Variants in ADIPOR2 observed in about 807,000 individuals in gnomAD.
ADIPOR2 encodes the protein adiponectin receptor protein 2.
ADIPOR2 carries 18 observed loss-of-function variants against 40.9 expected under a neutral mutation model. The observed-to-expected ratio is 0.44, with a 90% CI of 0.30 to 0.65. The LOEUF (loss-of-function observed/expected upper bound fraction) is 0.65, where lower values mean the gene tolerates loss of function less well. ADIPOR2 is among the 30% of genes least tolerant of loss of function. ADIPOR2 has a pLI of 0.09. For missense variants in ADIPOR2, 283 were observed against 479.2 expected (o/e 0.59, Z 3.82); for synonymous variants, 165 against 166.4 (o/e 0.99, Z 0.06).
intron 1 of ADIPOR2, chr12:1,697,918 ATC>A (rs1404045831): frequency 6.6e-6 from 1 of 152,398 alleles, no homozygotes; most frequent in African/African-American, 2.4e-5. Flanking sequence ...TAATTTGAGA[ATC>A]TCCATATTGG....
chr12:1,782,964 C>T (rs1414784743), intron 6 of ADIPOR2, among the ~76,000 whole-genome samples: 27 of 112,374 alleles, frequency 2.4e-4, no homozygotes, highest in Admixed American at 6.6e-4. Context: ...TTTTCTTTTT[C>T]TTTCTTTCTT....
chr12:1,783,775 T>G, intron 6 of ADIPOR2, 105 bp from the exon 7 acceptor site: 2 of 981,566 alleles, frequency 2.0e-6, no homozygotes, highest in Non-Finnish European at 2.9e-6. Flanking sequence ...TATATGCTAC[T>G]TTGAAATATT....
chr12:1,738,100 T>C, intron 1 of ADIPOR2, among the ~76,000 whole-genome samples: 1 of 150,506 alleles, frequency 6.6e-6, no homozygotes, highest in East Asian at 1.9e-4. Context: ...TGGCTGGGTG[T>C]GGTAGCTCTT....
At chr12:1,713,909 G>A (rs1439148604) in intron 1 of ADIPOR2, among the ~76,000 whole-genome samples, 7 of 152,036 alleles carry the variant, frequency 4.6e-5, no homozygotes, top group South Asian at 2.1e-4. Context: ...AAGCTGTACC[G>A]GTGTCCAGGA....
Position 1,786,195 on chromosome 12 carries a change from G to T in ADIPOR2, c.*123G>T, listed in dbSNP as rs1862830500. The T allele has an allele frequency of 3.0e-6, 4 of 1,345,578 alleles. No individual in the cohort carries two copies. In the East Asian group the frequency reaches 9.5e-5, roughly 32 times the overall value. 83.4% of individuals were successfully genotyped at this position (1,345,578 alleles called of 1,614,324 possible). ...AAACTTTGACAGCCTCGTGGGCTTTGTGACGGCCCAGTGGCTCTGCGTGGT... is the reference window on the plus strand; with the variant it reads ...AAACTTTGACAGCCTCGTGGGCTTTTTGACGGCCCAGTGGCTCTGCGTGGT... On this transcript the variant is annotated 3_prime_UTR_variant, in exon 8 of 8. Coordinates refer to ENST00000357103, the MANE Select transcript of ADIPOR2 (RefSeq NM_024551.3).
intron 1 of ADIPOR2, among the ~76,000 whole-genome samples, chr12:1,692,216 A>T (rs1039240764): frequency 2.6e-5 from 4 of 152,208 alleles, no homozygotes; most frequent in Non-Finnish European, 5.9e-5. Flanking sequence ...TCCTTCAGAA[A>T]AAAGCATCCA....
intron 2 of ADIPOR2, among the ~76,000 whole-genome samples, chr12:1,767,487 A>AT (rs138301736): frequency 1.3e-3 from 203 of 150,792 alleles, no homozygotes; most frequent in Non-Finnish European, 1.7e-3. Context: ...TTCAGCTATC[A>AT]TTTTTTTTTG....
At chr12:1,728,353 G>A (rs184128508) in intron 1 of ADIPOR2, among the ~76,000 whole-genome samples, 5 of 151,350 alleles carry the variant, frequency 3.3e-5, no homozygotes, top group Non-Finnish European at 5.9e-5. Context: ...CCTCAAATCC[G>A]CCCACCTCAG....
chr12:1,772,289 T>C (rs1042459995), intron 2 of ADIPOR2, among the ~76,000 whole-genome samples: 1 of 152,236 alleles, frequency 6.6e-6, no homozygotes, highest in African/African-American at 2.4e-5. Context: ...TGCCTAATGC[T>C]CTTATATGTT....
intron 4 of ADIPOR2, 105 bp downstream of exon 4, chr12:1,778,130 C>T: frequency 7.7e-7 from 1 of 1,303,492 alleles, no homozygotes; most frequent in Non-Finnish European, 1.0e-6. Context: ...TTTGGATTTG[C>T]CATTTTGTTT....
intron 1 of ADIPOR2, among the ~76,000 whole-genome samples, chr12:1,699,353 C>G (rs775623840): frequency 2.6e-5 from 4 of 152,174 alleles, no homozygotes; most frequent in Non-Finnish European, 5.9e-5. Flanking sequence ...TGCGGTCGCT[C>G]AGGCCTGTAA....
intron 1 of ADIPOR2, among the ~76,000 whole-genome samples, chr12:1,693,578 G>T (rs1592563789): frequency 1.3e-5 from 2 of 151,260 alleles, no homozygotes; most frequent in South Asian, 2.1e-4. Flanking sequence ...TTGTTGCCCA[G>T]GCTGGAGTGC....
chr12:1,765,011 T>G (rs1421095978), intron 2 of ADIPOR2, among the ~76,000 whole-genome samples: 1 of 152,210 alleles, frequency 6.6e-6, no homozygotes, highest in Admixed American at 6.5e-5. Context: ...AGTACTTGTT[T>G]TTTAGTGAAC....
At chr12:1,716,645 T>G (rs1056475639) in intron 1 of ADIPOR2, among the ~76,000 whole-genome samples, 2 of 152,238 alleles carry the variant, frequency 1.3e-5, no homozygotes, top group African/African-American at 2.4e-5. Flanking sequence ...TCAGCACTTA[T>G]GTGTGATGCA....
At chr12:1,781,592 T>G (rs147493765) in intron 6 of ADIPOR2, among the ~76,000 whole-genome samples, 146 of 152,310 alleles carry the variant, frequency 9.6e-4, no homozygotes, top group African/African-American at 3.3e-3. Flanking sequence ...TTTTTATATT[T>G]AGGATAATGC....
intron 7 of ADIPOR2, among the ~76,000 whole-genome samples, chr12:1,784,459 G>C (rs1352765424): frequency 6.6e-6 from 1 of 152,232 alleles, no homozygotes; most frequent in African/African-American, 2.4e-5. Flanking sequence ...TTTAATATCA[G>C]AATCTGTGCT....
intron 1 of ADIPOR2, among the ~76,000 whole-genome samples, chr12:1,741,901 G>C (rs1180643756): frequency 2.0e-5 from 3 of 151,900 alleles, no homozygotes. Context: ...AATAATGTTA[G>C]CTAAAGATGA....
chr12:1,758,551 A>G (rs1334203590), intron 2 of ADIPOR2, among the ~76,000 whole-genome samples: 1 of 152,196 alleles, frequency 6.6e-6, no homozygotes, highest in African/African-American at 2.4e-5. Context: ...GAGAATCTAT[A>G]TGCAGTACTG....
At chr12:1,767,580 A>G (rs915931341) in intron 2 of ADIPOR2, among the ~76,000 whole-genome samples, 9 of 152,212 alleles carry the variant, frequency 5.9e-5, no homozygotes, top group East Asian at 3.9e-4. Context: ...CACATTTCCA[A>G]TTTCTAAAGT....
Sources: allele counts gnomAD v4.1 joint callset (sites outside exome capture counted in the v4.1 genomes callset), GRCh38; gene constraint gnomAD v4.1.1; transcripts MANE v1.5; gene names NCBI Gene and HGNC (gene_info 2026-07-23, HGNC 2026-07-21).